RNF217: variants seen among roughly 807,000 people sequenced by gnomAD.
RNF217 encodes E3 ubiquitin-protein ligase RNF217.
RNF217 carries 31 observed loss-of-function variants against 57.8 expected under a neutral mutation model. The ratio of observed to expected loss-of-function variants is 0.54; its 90% CI spans 0.40 to 0.72. The LOEUF is 0.72. RNF217 is among the 30% of genes least tolerant of loss of function. RNF217 has a pLI of 0.00. For synonymous variants in RNF217, 313 were observed against 294.0 expected (o/e 1.06, Z -0.66); for missense variants, 696 against 708.3 (o/e 0.98, Z 0.20).
chr6:124,971,433 T>A (rs528232418), intron 1 of RNF217: 80 of 288,120 alleles, frequency 2.8e-4, no homozygotes, highest in African/African-American at 1.6e-3. Context: ...ATGATTTGAT[T>A]TGATTTACTG....
intron 1 of RNF217, among the ~76,000 whole-genome samples, chr6:125,028,157 T>C (rs1392557978): frequency 6.6e-6 from 1 of 152,164 alleles, no homozygotes; most frequent in Non-Finnish European, 1.5e-5. Flanking sequence ...CAGGTTTGCT[T>C]TGGTTGCCTG....
chr6:124,982,244 A>G (rs1010395668), intron 1 of RNF217, among the ~76,000 whole-genome samples: 2 of 152,042 alleles, frequency 1.3e-5, no homozygotes, highest in Admixed American at 1.3e-4. Context: ...TTTCACACTC[A>G]TATTCATCTT....
rs1186718286 is a variant in RNF217 at position 125,038,725 on chromosome 6, A to G, written c.883-6486A>G. The stretch of plus-strand genomic sequence containing the variant: ...CTACATTCTCAAGGTCTATGAAGGC[A>G]GGATTCACGGCTTAATTCACTTTAT... On this transcript the variant is annotated intron_variant, in intron 1 of 5. Transcript: ENST00000521654. 2.0e-5 allele frequency among the ~76,000 whole-genome samples: 3 copies of G among 152,346 alleles called. No individual in the cohort carries two copies. In the East Asian group the frequency reaches 5.8e-4, roughly 29 times the overall value.
chr6:125,082,780 CAAAT>C, intron 5 of RNF217, 80 bp from the exon 6 acceptor site: 3 of 1,173,468 alleles, frequency 2.6e-6, no homozygotes, highest in Middle Eastern at 2.0e-4. Context: ...TCGTACACTG[CAAAT>C]AAATAAACAT....
At chr6:125,036,092 A>G (rs1297025125) in intron 1 of RNF217, among the ~76,000 whole-genome samples, 1 of 151,372 alleles carries the variant, frequency 6.6e-6, no homozygotes, top group African/African-American at 2.4e-5. Context: ...CTACCCCCTG[A>G]CAGGCCTCGG....
chr6:125,028,215 CCCCCTTTTTTGGTTCAGTA>C (rs1786192405), intron 1 of RNF217, among the ~76,000 whole-genome samples: 1 of 151,954 alleles, frequency 6.6e-6, no homozygotes, highest in South Asian at 2.1e-4. Context: ...TTATCTTAAT[CCCCCTTTTTTGGTTCAGTA>C]CCCCTTTAAA....
chr6:125,070,043 T>A (rs552350441), intron 3 of RNF217, among the ~76,000 whole-genome samples: 2 of 152,262 alleles, frequency 1.3e-5, no homozygotes. Flanking sequence ...CTTCATGAGA[T>A]CATCTTTATA....
chr6:125,038,152 G>A (rs1184386108), intron 1 of RNF217, among the ~76,000 whole-genome samples: 2 of 152,238 alleles, frequency 1.3e-5, no homozygotes, highest in Admixed American at 1.3e-4. Context: ...TTAGAGTTAA[G>A]CAATTTTTTC....
At chr6:125,073,446 G>C (rs980493249) in intron 3 of RNF217, among the ~76,000 whole-genome samples, 3 of 152,046 alleles carry the variant, frequency 2.0e-5, no homozygotes, top group Non-Finnish European at 4.4e-5. Flanking sequence ...GGATTATTTT[G>C]CTTAAAGAAG....
At chr6:125,061,180 A>G (rs1787719697) in intron 3 of RNF217, among the ~76,000 whole-genome samples, 1 of 152,040 alleles carries the variant, frequency 6.6e-6, no homozygotes, top group Non-Finnish European at 1.5e-5. Context: ...GAAAGCATAT[A>G]TTTATAAAGG....
At chr6:124,985,527 A>C (rs1784338432) in intron 1 of RNF217, among the ~76,000 whole-genome samples, 1 of 152,190 alleles carries the variant, frequency 6.6e-6, no homozygotes, top group South Asian at 2.1e-4. Context: ...ATATTAATAA[A>C]GTAGAATATT....
intron 1 of RNF217, among the ~76,000 whole-genome samples, chr6:125,005,445 G>A (rs1453955212): frequency 6.6e-6 from 1 of 152,190 alleles, no homozygotes; most frequent in Admixed American, 6.5e-5. Context: ...TGAGAAAGCA[G>A]AAAGACATTG....
intron 3 of RNF217, among the ~76,000 whole-genome samples, chr6:125,062,687 C>T (rs1473993780): frequency 2.0e-5 from 3 of 152,106 alleles, no homozygotes; most frequent in African/African-American, 7.2e-5. Context: ...AGAGATTCTC[C>T]TGCGTCAGTC....
chr6:125,088,708 T>G lies in RNF217; in HGVS notation c.*5771T>G, dbSNP rs2114673810. The G allele has an allele frequency of 6.6e-6, 1 of 152,330 alleles. No homozygotes were observed. Among genetic ancestry groups the G allele is most frequent in the Non-Finnish European group, 1.5e-5 (1 of 68,018 alleles). The allele number at this position is 152,330 out of a possible 1,614,324, so 9.4% of individuals were successfully genotyped here. A position where few individuals can be genotyped will look rare whatever the true frequency, so the allele number is the denominator to read the frequency against. On this transcript the variant is annotated 3_prime_UTR_variant, in exon 6 of 6. Coordinates refer to ENST00000521654, the MANE Select transcript of RNF217 (RefSeq NM_001286398.3). ...ATACACAAAACATTGCCATTGCCCTTTTTTGTCACTTCCTTTTTTCTTCTA... is the reference window on the plus strand; with the variant it reads ...ATACACAAAACATTGCCATTGCCCTGTTTTGTCACTTCCTTTTTTCTTCTA...
rs977168963 is a variant in RNF217 at position 125,084,208 on chromosome 6, C to T, written c.*1271C>T. 1.3e-5 allele frequency: 2 copies of T among 151,852 alleles called. No individual in the cohort carries two copies. The highest frequency in any genetic ancestry group is 2.9e-5 in the Non-Finnish European group (2 of 67,882). The allele number at this position is 151,852 out of a possible 1,614,324, so 9.4% of individuals were successfully genotyped here. A position where few individuals can be genotyped will look rare whatever the true frequency, so the allele number is the denominator to read the frequency against. On this transcript the variant is annotated 3_prime_UTR_variant, in exon 6 of 6. Transcript: ENST00000521654. ...AACATAATATTTTTGGGGACACCTTCTTATGGAGGAGTTTGAAAACTTTTT... is the reference window on the plus strand; with the variant it reads ...AACATAATATTTTTGGGGACACCTTTTTATGGAGGAGTTTGAAAACTTTTT...
chr6:125,016,591 A>G (rs930764215), intron 1 of RNF217, among the ~76,000 whole-genome samples: 1 of 152,210 alleles, frequency 6.6e-6, no homozygotes, highest in Non-Finnish European at 1.5e-5. Flanking sequence ...TTTCTTTTAA[A>G]GAAAATGTGG....
intron 2 of RNF217, among the ~76,000 whole-genome samples, chr6:125,052,890 A>G (rs560760241): frequency 6.6e-6 from 1 of 152,220 alleles, no homozygotes; most frequent in South Asian, 2.1e-4. Flanking sequence ...TTTCTGGACC[A>G]TGGTATATTT....
chr6:125,090,947 T>A lies in RNF217; in HGVS notation c.*8010T>A. The A allele has an allele frequency of 6.6e-6, 1 of 151,996 alleles. No homozygotes were observed. The highest frequency in any genetic ancestry group is 1.5e-5 in the Non-Finnish European group (1 of 67,892). The allele number at this position is 151,996 out of a possible 1,614,324, so 9.4% of individuals were successfully genotyped here. A position where few individuals can be genotyped will look rare whatever the true frequency, so the allele number is the denominator to read the frequency against. On this transcript the variant is annotated 3_prime_UTR_variant, in exon 6 of 6. Coordinates refer to ENST00000521654, the MANE Select transcript of RNF217 (RefSeq NM_001286398.3). ...TTATGAAAGAGAGGGGTAGAGTAAA[T>A]TTTTTAATTAGACAATGTTGATATG...
chr6:125,005,906 G>C (rs1785161086), intron 1 of RNF217, among the ~76,000 whole-genome samples: 1 of 152,146 alleles, frequency 6.6e-6, no homozygotes, highest in Non-Finnish European at 1.5e-5. Flanking sequence ...TCTAAGAATA[G>C]TATTTAAAAT....
Sources: gnomAD v4.1 joint callset for allele counts (sites outside exome capture counted in the v4.1 genomes callset) on GRCh38, gnomAD v4.1.1 for gene constraint, MANE v1.5 for transcripts, NCBI Gene and HGNC (gene_info 2026-07-23, HGNC 2026-07-21) for gene names.